SGCZ: variants seen among roughly 807,000 people sequenced by gnomAD.
SGCZ encodes the protein zeta-sarcoglycan.
A neutral mutation model predicts 41.3 loss-of-function variants in SGCZ; 40 were observed. That is an observed-to-expected ratio of 0.97 (90% CI 0.75 to 1.26). The LOEUF is 1.26. Ranked by LOEUF, SGCZ falls within the 50% of genes most tolerant of loss-of-function variation. SGCZ has a pLI of 0.00. For missense variants in SGCZ, 552 were observed against 369.8 expected, an observed-to-expected ratio of 1.49 and a Z score of -4.04; for synonymous variants, 206 against 137.5, an observed-to-expected ratio of 1.50 and a Z score of -3.49.
intron 2 of SGCZ, among the ~76,000 whole-genome samples, chr8:14,407,599 A>G (rs1246294987): frequency 6.6e-6 from 1 of 152,204 alleles, no homozygotes; most frequent in Non-Finnish European, 1.5e-5. Context: ...CAATATAGGT[A>G]TATGATATAA....
intron 2 of SGCZ, among the ~76,000 whole-genome samples, chr8:14,507,368 C>A (rs1179357569): frequency 6.6e-6 from 1 of 152,120 alleles, no homozygotes; most frequent in Non-Finnish European, 1.5e-5. Context: ...TAATTAAAAT[C>A]TTCTAATACA....
At chr8:14,465,825 T>A (rs1297994022) in intron 2 of SGCZ, among the ~76,000 whole-genome samples, 1 of 151,882 alleles carries the variant, frequency 6.6e-6, no homozygotes, top group East Asian at 1.9e-4. Context: ...CAGAATTATA[T>A]CTCTATACAC....
intron 1 of SGCZ, among the ~76,000 whole-genome samples, chr8:14,759,184 A>G (rs1328164293): frequency 2.0e-5 from 3 of 152,148 alleles, no homozygotes; most frequent in Admixed American, 6.5e-5. Flanking sequence ...CACAATTTAC[A>G]TCTATGCATG....
At chr8:14,553,378 T>C (rs1803931808) in intron 2 of SGCZ, among the ~76,000 whole-genome samples, 1 of 152,098 alleles carries the variant, frequency 6.6e-6, no homozygotes, top group African/African-American at 2.4e-5. Flanking sequence ...CCTTGATCCC[T>C]GACCTGGGAC....
intron 5 of SGCZ, among the ~76,000 whole-genome samples, chr8:14,128,276 A>G (rs1802926368): frequency 1.3e-5 from 2 of 152,238 alleles, no homozygotes; most frequent in African/African-American, 4.8e-5. Flanking sequence ...ACCATTTTTC[A>G]GCAAACCAAC....
chr8:14,270,858 C>A (rs1378540721), intron 3 of SGCZ, among the ~76,000 whole-genome samples: 2 of 152,114 alleles, frequency 1.3e-5, no homozygotes, highest in Non-Finnish European at 1.5e-5. Flanking sequence ...CCATGGAATA[C>A]TATGCAGCCA....
chr8:14,393,267 C>T (rs186628000), intron 2 of SGCZ, among the ~76,000 whole-genome samples: 20 of 152,240 alleles, frequency 1.3e-4, no homozygotes, highest in Admixed American at 3.3e-4. Flanking sequence ...CAGCCCCAAT[C>T]ATTTTCTAAC....
At chr8:14,343,830 A>G (rs1442696624) in intron 2 of SGCZ, among the ~76,000 whole-genome samples, 1 of 152,126 alleles carries the variant, frequency 6.6e-6, no homozygotes, top group Non-Finnish European at 1.5e-5. Flanking sequence ...TTTTTCAGAC[A>G]CTAAATCTAG....
intron 1 of SGCZ, among the ~76,000 whole-genome samples, chr8:14,605,407 C>A (rs1409618942): frequency 6.6e-6 from 1 of 152,066 alleles, no homozygotes; most frequent in Admixed American, 6.6e-5. Context: ...GTGTTACCAA[C>A]AATCGAATTA....
At chr8:14,708,015 G>A (rs1269943613) in intron 1 of SGCZ, among the ~76,000 whole-genome samples, 1 of 151,776 alleles carries the variant, frequency 6.6e-6, no homozygotes, top group Non-Finnish European at 1.5e-5. Flanking sequence ...GCAACTAAAG[G>A]AAATGCAACA....
chr8:14,769,361 C>T (rs1026516394), intron 1 of SGCZ, among the ~76,000 whole-genome samples: 3 of 152,066 alleles, frequency 2.0e-5, no homozygotes, highest in African/African-American at 7.2e-5. Context: ...TAATGGTAAG[C>T]ACCACTTATA....
chr8:14,724,608 A>T (rs1585211064), intron 1 of SGCZ, among the ~76,000 whole-genome samples: 1 of 151,900 alleles, frequency 6.6e-6, no homozygotes, highest in African/African-American at 2.4e-5. Flanking sequence ...TATTAATATA[A>T]ATAATCAGAG....
chr8:14,408,693 C>G (rs567209594), intron 2 of SGCZ, among the ~76,000 whole-genome samples: 1 of 152,150 alleles, frequency 6.6e-6, no homozygotes, highest in Non-Finnish European at 1.5e-5. Context: ...ACTTTCCCCT[C>G]ATCTAGTCCT....
intron 1 of SGCZ, among the ~76,000 whole-genome samples, chr8:14,783,543 G>T (rs1288750358): frequency 6.6e-6 from 1 of 151,700 alleles, no homozygotes; most frequent in East Asian, 1.9e-4. Context: ...TTCTGACAAT[G>T]AAAACAAAAA....
intron 1 of SGCZ, among the ~76,000 whole-genome samples, chr8:14,923,841 C>G (rs984657329): frequency 2.0e-5 from 3 of 152,190 alleles, no homozygotes; most frequent in Non-Finnish European, 4.4e-5. Context: ...AAATTACAGA[C>G]GTTCAACTGT....
chr8:15,204,987 A>G (rs1232809976), intron 1 of SGCZ, among the ~76,000 whole-genome samples: 2 of 152,220 alleles, frequency 1.3e-5, no homozygotes, highest in Non-Finnish European at 2.9e-5. Context: ...GTGATGAGAA[A>G]TAAGCACATC....
At chr8:14,273,403 T>G (rs189599197) in intron 3 of SGCZ, among the ~76,000 whole-genome samples, 27 of 152,234 alleles carry the variant, frequency 1.8e-4, no homozygotes, top group Non-Finnish European at 2.8e-4. Flanking sequence ...GACTGTTATA[T>G]GGCACACATT....
intron 3 of SGCZ, among the ~76,000 whole-genome samples, chr8:14,262,850 G>T (rs1216421666): frequency 6.7e-6 from 1 of 148,364 alleles, no homozygotes; most frequent in Non-Finnish European, 1.5e-5. Flanking sequence ...AGAGCTTCTT[G>T]AATTAGAAAA....
chr8:15,220,753 G>A (rs1438176817), intron 1 of SGCZ, among the ~76,000 whole-genome samples: 1 of 152,042 alleles, frequency 6.6e-6, no homozygotes, highest in Non-Finnish European at 1.5e-5. Flanking sequence ...GCAAAGATTT[G>A]GAACCAACCC....
Sources: gnomAD v4.1 joint callset for allele counts (sites outside exome capture counted in the v4.1 genomes callset) on GRCh38, gnomAD v4.1.1 for gene constraint, MANE v1.5 for transcripts, NCBI Gene and HGNC (gene_info 2026-07-23, HGNC 2026-07-21) for gene names.